QTGAL: variants seen among roughly 807,000 people sequenced by gnomAD.
The protein encoded by QTGAL is queuosine-tRNA galactosyltransferase.
chr17:82,948,062 C>T, the QTGAL span: 2 of 152,214 alleles, frequency 1.3e-5, no homozygotes, highest in Admixed American at 1.3e-4. Context: ...ATTAAACCAA[C>T]AAAGTCGAGC....
At chr17:82,997,938 T>A in the QTGAL span, among the ~76,000 whole-genome samples, 1 of 148,086 alleles carries the variant, frequency 6.8e-6, no homozygotes, top group African/African-American at 2.5e-5. Flanking sequence ...AAAATATATA[T>A]ATATATATAT....
chr17:83,037,418 T>C, the QTGAL span, among the ~76,000 whole-genome samples: 3 of 152,224 alleles, frequency 2.0e-5, no homozygotes, highest in African/African-American at 7.2e-5. This position sits in a 1 kb window ranked among gnomAD's most constrained non-coding sequence, Gnocchi z 5.2. Context: ...ATTTCTAGCA[T>C]TAATCCCTAA....
At chr17:82,950,792 T>C in the QTGAL span, among the ~76,000 whole-genome samples, 1 of 152,182 alleles carries the variant, frequency 6.6e-6, no homozygotes, top group Non-Finnish European at 1.5e-5. Flanking sequence ...TGAGCAGTCG[T>C]ATTTTGAAAG....
chr17:83,032,616 G>A, the QTGAL span, among the ~76,000 whole-genome samples: 1 of 152,252 alleles, frequency 6.6e-6, no homozygotes, highest in South Asian at 2.1e-4. Flanking sequence ...CCATGTGGTG[G>A]GTTGAGCTGT....
the QTGAL span, among the ~76,000 whole-genome samples, chr17:83,036,328 T>C: frequency 6.6e-6 from 1 of 152,174 alleles, no homozygotes; most frequent in Non-Finnish European, 1.5e-5. Flanking sequence ...TCTTCTGTGC[T>C]GTGAGAAACT....
At chr17:83,046,641 G>A in the QTGAL span, among the ~76,000 whole-genome samples, 1 of 152,222 alleles carries the variant, frequency 6.6e-6, no homozygotes, top group Non-Finnish European at 1.5e-5. Flanking sequence ...AATGTAAAAT[G>A]CATCCACTGT....
At chr17:82,957,104 G>C in the QTGAL span, 28 of 1,581,332 alleles carry the variant, frequency 1.8e-5, no homozygotes, top group Non-Finnish European at 2.3e-5. Flanking sequence ...TGCCAAGGGG[G>C]AAGGCTCGGA....
chr17:83,027,055 G>C, the QTGAL span, among the ~76,000 whole-genome samples: 14 of 146,448 alleles, frequency 9.6e-5, no homozygotes, highest in African/African-American at 1.8e-4. Context: ...GACACGCAGA[G>C]CAGGGCGGGG....
chr17:83,029,890 C>T, the QTGAL span, among the ~76,000 whole-genome samples: 8,608 of 152,232 alleles, frequency 0.057, 679 homozygotes, highest in African/African-American at 0.18. Flanking sequence ...CTCTTGCTGA[C>T]GCGCCCGTTG....
the QTGAL span, among the ~76,000 whole-genome samples, chr17:83,046,070 C>T: frequency 0.041 from 6,169 of 152,178 alleles, 351 homozygotes; most frequent in Admixed American, 0.1. Flanking sequence ...GTGATCCACC[C>T]GCCTTGGCCT....
At chr17:83,000,837 T>C in the QTGAL span, among the ~76,000 whole-genome samples, 334 of 152,326 alleles carry the variant, frequency 2.2e-3, 4 homozygotes, top group Middle Eastern at 0.014. Context: ...ACAGTAATTA[T>C]GCTGAGTGAA....
At chr17:83,033,448 A>T in the QTGAL span, among the ~76,000 whole-genome samples, 1 of 151,754 alleles carries the variant, frequency 6.6e-6, no homozygotes, top group East Asian at 1.9e-4. Context: ...GCATCAACTT[A>T]GACTGTCCAA....
the QTGAL span, among the ~76,000 whole-genome samples, chr17:82,980,525 A>C: frequency 6.6e-6 from 1 of 152,182 alleles, no homozygotes; most frequent in Non-Finnish European, 1.5e-5. Flanking sequence ...CCAGCTATAA[A>C]TCGGGGTTCC....
the QTGAL span, among the ~76,000 whole-genome samples, chr17:82,962,581 G>A: frequency 2.1e-4 from 25 of 120,094 alleles, 1 homozygote; most frequent in African/African-American, 7.0e-4. Flanking sequence ...AGGTTCCTGT[G>A]GGTGCTGGTG....
the QTGAL span, among the ~76,000 whole-genome samples, chr17:83,029,616 G>C: frequency 1.4e-4 from 22 of 152,128 alleles, no homozygotes; most frequent in Non-Finnish European, 2.6e-4. Context: ...AGTCAGGCTG[G>C]GGGGAGCCGG....
chr17:82,956,115 T>C, the QTGAL span, among the ~76,000 whole-genome samples: 1 of 151,842 alleles, frequency 6.6e-6, no homozygotes, highest in Non-Finnish European at 1.5e-5. This position sits in a 1 kb window ranked among gnomAD's most constrained non-coding sequence, Gnocchi z 5.7. Context: ...TGTAAACCTA[T>C]GTAACAAATC....
the QTGAL span, among the ~76,000 whole-genome samples, chr17:83,045,312 A>G: frequency 6.6e-6 from 1 of 152,254 alleles, no homozygotes; most frequent in Admixed American, 6.5e-5. Flanking sequence ...TTTGACAAGA[A>G]TACCAAGACA....
the QTGAL span, among the ~76,000 whole-genome samples, chr17:82,975,837 C>G: frequency 2.0e-3 from 87 of 42,902 alleles, 3 homozygotes; most frequent in East Asian, 3.3e-3. Context: ...TATGGGGAAA[C>G]AGGGCCCCAG....
At chr17:82,959,262 G>A in the QTGAL span, among the ~76,000 whole-genome samples, 2 of 151,976 alleles carry the variant, frequency 1.3e-5, no homozygotes, top group Non-Finnish European at 2.9e-5. Context: ...GTACACGTGT[G>A]TGCAGTGAGG....
Sources: allele counts gnomAD v4.1 joint callset (sites outside exome capture counted in the v4.1 genomes callset), GRCh38; gene constraint gnomAD v4.1.1; non-coding constraint Gnocchi (gnomAD v3.1); transcripts MANE v1.5; gene names NCBI Gene and HGNC (gene_info 2026-07-23, HGNC 2026-07-21).